CELF2: variants seen among roughly 807,000 people sequenced by gnomAD.
The protein encoded by CELF2 is CUG triplet repeat RNA-binding protein 2.
In CELF2, 8 loss-of-function variants were observed where a neutral mutation model predicts 62.6. That is an observed-to-expected ratio of 0.13 (90% CI 0.07 to 0.23). The LOEUF (loss-of-function observed/expected upper bound fraction) is 0.23. Among genes scored for constraint, CELF2 ranks in the 10% least tolerant of loss-of-function variants. The pLI is 1.00. For missense variants in CELF2, 333 were observed against 671.0 expected (o/e 0.50, Z 5.56); for synonymous variants, 258 against 250.0 (o/e 1.03, Z -0.30).
chr10:10,536,296 G>A, the CELF2 span, among the ~76,000 whole-genome samples: 6 of 152,264 alleles, frequency 3.9e-5, 1 homozygote. Context: ...GGGATTACAG[G>A]CATGAGCCAC....
chr10:10,671,502 A>G, the CELF2 span, among the ~76,000 whole-genome samples: 1 of 152,194 alleles, frequency 6.6e-6, no homozygotes, highest in Non-Finnish European at 1.5e-5. Flanking sequence ...TTTGCGGGAA[A>G]CTGCCAAAAT....
chr10:10,583,886 G>T, the CELF2 span, among the ~76,000 whole-genome samples: 1 of 152,124 alleles, frequency 6.6e-6, no homozygotes. Context: ...TGAGAGTTTT[G>T]TCTCCATCAC....
chr10:10,738,438 A>AG, the CELF2 span, among the ~76,000 whole-genome samples: 3 of 152,322 alleles, frequency 2.0e-5, no homozygotes, highest in South Asian at 2.1e-4. Context: ...TCCCTTGGCC[A>AG]GGTGATCAAC....
chr10:10,611,581 T>C, the CELF2 span, among the ~76,000 whole-genome samples: 1 of 152,152 alleles, frequency 6.6e-6, no homozygotes, highest in Non-Finnish European at 1.5e-5. Flanking sequence ...CTAACAACCC[T>C]ACAAATCCAA....
chr10:10,820,159 A>G (rs927823050), intron 1 of CELF2, among the ~76,000 whole-genome samples: 5 of 152,192 alleles, frequency 3.3e-5, no homozygotes, highest in South Asian at 2.1e-4. Flanking sequence ...GCCTCCCGCC[A>G]TGATTCTGAA....
the CELF2 span, among the ~76,000 whole-genome samples, chr10:10,628,386 C>T: frequency 3.3e-5 from 5 of 152,066 alleles, no homozygotes; most frequent in African/African-American, 1.2e-4. Flanking sequence ...TATGGAACAC[C>T]TACCATATGC....
At position 11,333,545 on chromosome 10, in the gene CELF2, A is replaced by G. The variant is rs945504014; in HGVS notation, c.*4492A>G. The G allele has an allele frequency of 6.6e-6, 1 of 152,334 alleles. No individual in the cohort carries two copies. Among genetic ancestry groups the G allele is most frequent in the African/African-American group, 2.4e-5 (1 of 41,456 alleles). The allele number at this position is 152,334 out of a possible 1,614,324, so 9.4% of individuals were successfully genotyped here. On this transcript the variant is annotated 3_prime_UTR_variant, in exon 13 of 13. Transcript: ENST00000633077. ...TTTATTATCTTAAGTGCTAATTAAAAAAAAAATAAAATTTTAAAAAAACCT... is the reference window on the plus strand; with the variant it reads ...TTTATTATCTTAAGTGCTAATTAAAGAAAAAATAAAATTTTAAAAAAACCT...
intron 9 of CELF2, among the ~76,000 whole-genome samples, chr10:11,301,414 A>ACCC (rs1159964207): frequency 5.4e-4 from 5 of 9,302 alleles, no homozygotes; most frequent in Admixed American, 1.4e-3. Context: ...CCCCTCCCGC[A>ACCC]CCCCACCCTG....
chr10:10,880,559 A>T (rs1183843835), intron 1 of CELF2, among the ~76,000 whole-genome samples: 1 of 152,134 alleles, frequency 6.6e-6, no homozygotes, highest in African/African-American at 2.4e-5. Flanking sequence ...GGTGTTACGG[A>T]TACTGGCTTC....
intron 2 of CELF2, among the ~76,000 whole-genome samples, chr10:11,174,132 A>C (rs1055157572): frequency 9.2e-5 from 14 of 152,202 alleles, no homozygotes; most frequent in African/African-American, 3.1e-4. Context: ...ATATGTCTTC[A>C]AATGTTTCTA....
At chr10:10,717,306 G>A in the CELF2 span, among the ~76,000 whole-genome samples, 1 of 151,596 alleles carries the variant, frequency 6.6e-6, no homozygotes, top group Admixed American at 6.6e-5. Context: ...TTTTTTTAAC[G>A]TGCTAGCATG....
chr10:11,042,797 G>T (rs1403131726), intron 1 of CELF2, among the ~76,000 whole-genome samples: 4 of 151,932 alleles, frequency 2.6e-5, no homozygotes, highest in African/African-American at 9.7e-5. Context: ...TATAATATGT[G>T]GCCTCTTGTG....
At chr10:11,284,369 T>A (rs2090347145) in intron 8 of CELF2, among the ~76,000 whole-genome samples, 4 of 145,444 alleles carry the variant, frequency 2.8e-5, no homozygotes, top group Non-Finnish European at 4.6e-5. Context: ...GAGGGATGAG[T>A]GTGTGGTGGG....
chr10:10,724,813 C>T, the CELF2 span, among the ~76,000 whole-genome samples: 1 of 152,018 alleles, frequency 6.6e-6, no homozygotes, highest in African/African-American at 2.4e-5. Context: ...GATTGTAGCC[C>T]CTAAATTTCT....
the CELF2 span, among the ~76,000 whole-genome samples, chr10:10,748,702 T>G: frequency 1.4e-5 from 2 of 142,802 alleles, no homozygotes; most frequent in African/African-American, 5.3e-5. Context: ...GAGCCGAGGT[T>G]GTGCCACTAC....
At chr10:10,795,095 G>C (rs115319416), upstream of CELF2, 2 of 152,068 alleles carry the variant, frequency 1.3e-5, no homozygotes, top group Admixed American at 1.3e-4. Context: ...TTGGAATTGG[G>C]TTGTGGTTTT....
At chr10:10,974,302 A>G (rs778784630) in intron 2 of CELF2, among the ~76,000 whole-genome samples, 2 of 152,210 alleles carry the variant, frequency 1.3e-5, no homozygotes, top group Non-Finnish European at 2.9e-5. Flanking sequence ...TATATAAAAG[A>G]TACAGTGAAT....
chr10:10,686,830 G>A, the CELF2 span, among the ~76,000 whole-genome samples: 81 of 152,230 alleles, frequency 5.3e-4, no homozygotes, highest in South Asian at 1.9e-3. Context: ...ATACAAGCAG[G>A]AAGTCAGATT....
upstream of CELF2, among the ~76,000 whole-genome samples, chr10:11,013,755 A>G (rs552986464): frequency 7.9e-4 from 121 of 152,310 alleles, no homozygotes; most frequent in Admixed American, 1.4e-3. The surrounding 1 kb of genome is among the most constrained non-coding windows in gnomAD (Gnocchi z 4.1). Context: ...AGTTATCAAG[A>G]TGGAGGGAAA....
Sources: gnomAD v4.1 joint callset for allele counts (sites outside exome capture counted in the v4.1 genomes callset) on GRCh38, gnomAD v4.1.1 for gene constraint, Gnocchi (gnomAD v3.1) non-coding constraint, MANE v1.5 for transcripts, NCBI Gene and HGNC (gene_info 2026-07-23, HGNC 2026-07-21) for gene names.